FBXL2: variants seen among roughly 807,000 people sequenced by gnomAD.
FBXL2 encodes the protein F-box/LRR-repeat protein 2.
FBXL2 carries 38 observed loss-of-function variants against 69.2 expected under a neutral mutation model. The observed-to-expected ratio is 0.55, with a 90% CI of 0.42 to 0.72. The LOEUF (loss-of-function observed/expected upper bound fraction) is 0.72. FBXL2 is among the 30% of genes least tolerant of loss of function. The pLI, the probability that FBXL2 is intolerant of heterozygous loss-of-function variation, is 0.00. For missense variants in FBXL2, 354 were observed against 520.3 expected (o/e 0.68, Z 3.11); for synonymous variants, 192 against 201.3 (o/e 0.95, Z 0.39).
chr3:33,390,454 C>T (rs1378636840), downstream of FBXL2: 5 of 1,397,566 alleles, frequency 3.6e-6, no homozygotes, highest in East Asian at 1.1e-4. Flanking sequence ...CAACTACAAC[C>T]TCCCTTCCCA....
At chr3:33,313,615 G>GTTTTTT (rs766273521) in intron 2 of FBXL2, among the ~76,000 whole-genome samples, 67 of 148,348 alleles carry the variant, frequency 4.5e-4, no homozygotes, top group African/African-American at 6.0e-4. Flanking sequence ...TCAGATAATT[G>GTTTTTT]TTTTATTTTT....
intron 2 of FBXL2, among the ~76,000 whole-genome samples, chr3:33,302,446 C>T (rs1181890108): frequency 1.3e-5 from 2 of 152,068 alleles, no homozygotes; most frequent in Admixed American, 1.3e-4. Flanking sequence ...GAATATTGAC[C>T]TAAAACTCAG....
chr3:33,409,545 C>T, the FBXL2 span: 2 of 1,614,180 alleles, frequency 1.2e-6, no homozygotes, highest in Non-Finnish European at 1.7e-6. Context: ...TCCTAAAGGG[C>T]ACTCCCTTTT....
At chr3:33,277,864 AT>A (rs1196429617) in intron 1 of FBXL2, among the ~76,000 whole-genome samples, 1 of 152,110 alleles carries the variant, frequency 6.6e-6, no homozygotes, top group Non-Finnish European at 1.5e-5. Flanking sequence ...AAAAAAAAAA[AT>A]CTTGTATATG....
At chr3:33,404,871 A>C (rs2044374912), downstream of FBXL2, among the ~76,000 whole-genome samples, 1 of 152,208 alleles carries the variant, frequency 6.6e-6, no homozygotes, top group Admixed American at 6.5e-5. Flanking sequence ...AAGAAAAAAC[A>C]AAATTGCTCA....
intron 1 of FBXL2, chr3:33,278,039 C>A (rs1463937517): frequency 6.6e-6 from 1 of 152,020 alleles, no homozygotes; most frequent in African/African-American, 2.4e-5. Flanking sequence ...TTTTAGAGAC[C>A]CCTCCCCTCC....
chr3:33,379,650 C>A (rs1270154156), intron 13 of FBXL2, among the ~76,000 whole-genome samples: 2 of 150,610 alleles, frequency 1.3e-5, no homozygotes, highest in African/African-American at 2.4e-5. Flanking sequence ...GCCAGTAATA[C>A]CCTGTTATCA....
intron 2 of FBXL2, among the ~76,000 whole-genome samples, chr3:33,301,966 G>A (rs76723524): frequency 0.077 from 11,711 of 152,086 alleles, 520 homozygotes; most frequent in Admixed American, 0.098. Flanking sequence ...CTATAAAATG[G>A]GAATAGTAAT....
At chr3:33,378,960 A>C in intron 13 of FBXL2, 1 of 849,678 alleles carries the variant, frequency 1.2e-6, no homozygotes, top group South Asian at 2.1e-5. Context: ...AAATGTCCAG[A>C]TCCAGATGGT....
At chr3:33,342,004 C>CTTTT (rs538123970) in intron 2 of FBXL2, among the ~76,000 whole-genome samples, 4 of 109,814 alleles carry the variant, frequency 3.6e-5, no homozygotes, top group African/African-American at 1.1e-4. Context: ...TTTTCTTTAT[C>CTTTT]TTTTTTTTTT....
At chr3:33,422,631 G>T in the FBXL2 span, among the ~76,000 whole-genome samples, 1,484 of 151,886 alleles carry the variant, frequency 9.8e-3, 84 homozygotes, top group Admixed American at 0.09. Context: ...AGGCTAGGGT[G>T]GGTGGATCAC....
chr3:33,396,074 A>C (rs756197423), intron 12 of FBXL2: 4 of 1,215,304 alleles, frequency 3.3e-6, no homozygotes, highest in Non-Finnish European at 4.6e-6. Flanking sequence ...ACACAGCAAG[A>C]GTTCTCCAAA....
downstream of FBXL2, chr3:33,390,667 G>T (rs569885432): frequency 5.5e-5 from 22 of 400,792 alleles, no homozygotes; most frequent in Non-Finnish European, 9.2e-5. Flanking sequence ...TAATAGTGCT[G>T]TCCATAAGGG....
intron 2 of FBXL2, among the ~76,000 whole-genome samples, chr3:33,335,339 C>T (rs888982499): frequency 1.5e-4 from 23 of 152,098 alleles, no homozygotes; most frequent in Admixed American, 9.8e-4. Flanking sequence ...ACCATAAATG[C>T]TAAGTATGTG....
At chr3:33,320,501 A>G (rs867667435) in intron 2 of FBXL2, among the ~76,000 whole-genome samples, 1 of 146,546 alleles carries the variant, frequency 6.8e-6, no homozygotes, top group African/African-American at 2.5e-5. Context: ...TTTTTTTTTT[A>G]GACGGAGTCT....
the FBXL2 span, among the ~76,000 whole-genome samples, chr3:33,421,745 C>T: frequency 1.3e-5 from 2 of 152,204 alleles, no homozygotes; most frequent in South Asian, 4.1e-4. Flanking sequence ...GGCAAATATT[C>T]TTCATCAAGA....
chr3:33,420,280 C>G, the FBXL2 span, among the ~76,000 whole-genome samples: 1 of 152,146 alleles, frequency 6.6e-6, no homozygotes, highest in Non-Finnish European at 1.5e-5. Context: ...AATTCTTAAT[C>G]CAATAAACAT....
chr3:33,369,194 G>A (rs2042139144), intron 5 of FBXL2, among the ~76,000 whole-genome samples: 1 of 151,968 alleles, frequency 6.6e-6, no homozygotes, highest in African/African-American at 2.4e-5. Flanking sequence ...TGGGACTACA[G>A]GCATGGGCCA....
At chr3:33,419,224 G>A in the FBXL2 span, among the ~76,000 whole-genome samples, 2 of 152,248 alleles carry the variant, frequency 1.3e-5, no homozygotes, top group African/African-American at 4.8e-5. Context: ...GCCAAGTGGA[G>A]TGGCTCACAC....
Sources: allele counts gnomAD v4.1 joint callset (sites outside exome capture counted in the v4.1 genomes callset), GRCh38; gene constraint gnomAD v4.1.1; transcripts MANE v1.5; gene names NCBI Gene and HGNC (gene_info 2026-07-23, HGNC 2026-07-21).